PRDM1: variants seen among roughly 807,000 people sequenced by gnomAD.
PRDM1 encodes the protein PR/SET domain 1.
In PRDM1, 13 loss-of-function variants were observed where a neutral mutation model predicts 62.8. That is an observed-to-expected ratio of 0.21 (90% CI 0.13 to 0.33). PRDM1 has a LOEUF of 0.33. PRDM1 is among the 10% of genes least tolerant of loss of function. The pLI is 1.00. For missense variants in PRDM1, 895 were observed against 1,058.8 expected, an observed-to-expected ratio of 0.85 and a Z score of 2.15; for synonymous variants, 396 against 417.6, an observed-to-expected ratio of 0.95 and a Z score of 0.63.
chr6:106,073,167 T>G (rs1773548285), intron 1 of PRDM1, among the ~76,000 whole-genome samples: 1 of 149,212 alleles, frequency 6.7e-6, no homozygotes, highest in African/African-American at 2.5e-5. Flanking sequence ...CAGGCTGGAG[T>G]GCAATGGCGC....
upstream of PRDM1, among the ~76,000 whole-genome samples, chr6:106,085,515 C>T (rs1283954362): frequency 1.3e-5 from 2 of 152,232 alleles, no homozygotes; most frequent in Non-Finnish European, 2.9e-5. Flanking sequence ...TGTATGCCAT[C>T]ATCACAGGAT....
chr6:106,083,223 G>T (rs1466792005), upstream of PRDM1, among the ~76,000 whole-genome samples: 1 of 61,812 alleles, frequency 1.6e-5, no homozygotes, highest in Non-Finnish European at 3.6e-5. Context: ...GGGGGGTGAG[G>T]GTGGGTGGGT....
At chr6:105,996,601 A>G (rs1772351538) in intron 1 of PRDM1, among the ~76,000 whole-genome samples, 1 of 152,198 alleles carries the variant, frequency 6.6e-6, no homozygotes, top group Non-Finnish European at 1.5e-5. Context: ...GCATTTTAAT[A>G]TATGCCATAT....
intron 3 of PRDM1, chr6:106,096,302 C>G (rs1774117333): frequency 6.5e-6 from 1 of 152,960 alleles, no homozygotes; most frequent in Admixed American, 6.5e-5. Context: ...TGCGCGCCAC[C>G]ATGCCCAGTT....
intron 1 of PRDM1, among the ~76,000 whole-genome samples, chr6:106,043,038 A>G (rs1165977799): frequency 6.6e-6 from 1 of 152,060 alleles, no homozygotes; most frequent in Non-Finnish European, 1.5e-5. Context: ...TTTAGTAGAG[A>G]CAGGGTTTCA....
chr6:106,067,343 T>A (rs74526772), intron 1 of PRDM1, among the ~76,000 whole-genome samples: 5,341 of 152,240 alleles, frequency 0.035, 144 homozygotes, highest in East Asian at 0.11. Flanking sequence ...AAATGTATGA[T>A]GTTGGGTTTC....
intron 1 of PRDM1, among the ~76,000 whole-genome samples, chr6:106,050,941 G>T (rs986627235): frequency 2.0e-5 from 3 of 152,158 alleles, no homozygotes; most frequent in Non-Finnish European, 2.9e-5. Context: ...GATAAATTGT[G>T]CTTAGAAAGA....
intron 1 of PRDM1, among the ~76,000 whole-genome samples, chr6:105,997,891 C>A (rs543701503): frequency 1.8e-4 from 28 of 152,160 alleles, no homozygotes; most frequent in African/African-American, 6.3e-4. Context: ...TTTTATTGTT[C>A]AATAGTGAAG....
upstream of PRDM1, chr6:106,045,849 C>G (rs2114578969): frequency 6.6e-6 from 1 of 152,268 alleles, no homozygotes; most frequent in South Asian, 2.1e-4. Context: ...AAAAGCTAAA[C>G]AAAACCAATG....
At chr6:106,038,006 A>ATTTTTT (rs1772944473) in intron 1 of PRDM1, among the ~76,000 whole-genome samples, 1 of 27,646 alleles carries the variant, frequency 3.6e-5, no homozygotes, top group Non-Finnish European at 7.5e-5. Context: ...ATGGTTTGCT[A>ATTTTTT]TTTTTGTCTT....
intron 1 of PRDM1, among the ~76,000 whole-genome samples, chr6:106,076,423 C>T (rs1286438306): frequency 6.6e-6 from 1 of 152,012 alleles, no homozygotes; most frequent in Non-Finnish European, 1.5e-5. Flanking sequence ...GATTTGAAAT[C>T]GTAGTATTTT....
chr6:106,096,048 G>T, intron 3 of PRDM1: 1 of 239,994 alleles, frequency 4.2e-6, no homozygotes. Context: ...TTCTCCGCAA[G>T]GAAGTAGTAA....
chr6:105,998,926 TATA>T (rs1772392981), intron 1 of PRDM1, among the ~76,000 whole-genome samples: 2 of 2,236 alleles, frequency 8.9e-4, no homozygotes, highest in Non-Finnish European at 1.7e-3. Context: ...TATATATATA[TATA>T]TATATTTTTT....
intron 1 of PRDM1, among the ~76,000 whole-genome samples, chr6:106,078,958 C>CATT (rs1194573418): frequency 2.3e-4 from 35 of 151,074 alleles, no homozygotes; most frequent in Admixed American, 5.3e-4. Flanking sequence ...TTATTATTAT[C>CATT]ATTATTATTA....
rs376600972 is a variant in PRDM1 at position 106,105,716 on chromosome 6, C to T, written c.1556C>T (p.Ala519Val). The T allele has an allele frequency of 3.7e-6, 6 of 1,613,192 alleles. No individual in the cohort carries two copies. Among genetic ancestry groups the T allele is most frequent in the South Asian group, 2.2e-5 (2 of 91,074 alleles). Reference protein sequence around the residue: ...ACSPTSGSPTAGTAATAEHVV... With the variant: ...ACSPTSGSPTVGTAATAEHVV... ...AGCCCCACAAGCGGGTCTCCCACGGCGGGAACAGCCGCCACGGCAGAACAT... is the reference window on the plus strand; with the variant it reads ...AGCCCCACAAGCGGGTCTCCCACGGTGGGAACAGCCGCCACGGCAGAACAT... The change falls in exon 5 of 7, where the codon GCG becomes GTG. Residue 519 changes from alanine to valine, a missense_variant. Physicochemically the swap from Ala to Val is moderately conservative, Grantham distance 64 (BLOSUM62 0). Coordinates refer to ENST00000369096, the MANE Select transcript of PRDM1 (RefSeq NM_001198.4).
intron 1 of PRDM1, among the ~76,000 whole-genome samples, chr6:106,058,256 T>C (rs1433885538): frequency 1.3e-5 from 2 of 152,180 alleles, no homozygotes; most frequent in Non-Finnish European, 2.9e-5. Context: ...TCCAGCCAAG[T>C]TGGGTTCTGG....
intron 4 of PRDM1, among the ~76,000 whole-genome samples, chr6:106,102,105 G>A (rs2114644093): frequency 6.6e-6 from 1 of 152,288 alleles, no homozygotes; most frequent in East Asian, 1.9e-4. Context: ...AGAACTTCTA[G>A]GTTCTTTCTT....
At chr6:106,098,777 G>A in intron 3 of PRDM1, 1 of 1,484,886 alleles carries the variant, frequency 6.7e-7, no homozygotes, top group Non-Finnish European at 9.1e-7. Flanking sequence ...GGAGGGTTGG[G>A]GGTGGAGGAT....
chr6:106,009,919 T>C (rs958953453), intron 1 of PRDM1, among the ~76,000 whole-genome samples: 1 of 152,202 alleles, frequency 6.6e-6, no homozygotes, highest in African/African-American at 2.4e-5. Flanking sequence ...GGTTTCACCA[T>C]GTTGGCCAGG....
Sources: gnomAD v4.1 joint callset for allele counts (sites outside exome capture counted in the v4.1 genomes callset) on GRCh38, gnomAD v4.1.1 for gene constraint, MANE v1.5 for transcripts, NCBI Gene and HGNC (gene_info 2026-07-23, HGNC 2026-07-21) for gene names.